SMG6: variants seen among roughly 807,000 people sequenced by gnomAD.
SMG6 encodes telomerase-binding protein EST1A.
Under a neutral mutation model 142.2 loss-of-function variants are expected in SMG6, and 66 were observed. The observed-to-expected ratio is 0.46, with a 90% confidence interval of 0.38 to 0.57. The LOEUF (loss-of-function observed/expected upper bound fraction) is 0.57, where lower values mean the gene tolerates loss of function less well. SMG6 is among the 20% of genes least tolerant of loss of function. SMG6 has a pLI of 0.00. For synonymous variants in SMG6, 779 were observed against 702.4 expected (o/e 1.11, Z -1.72); for missense variants, 1,793 against 1,832.0 (o/e 0.98, Z 0.39).
chr17:2,297,010 G>GAAAAAAAAAAAAA (rs374673133), intron 4 of SMG6, among the ~76,000 whole-genome samples: 1 of 60,974 alleles, frequency 1.6e-5, no homozygotes, highest in African/African-American at 6.2e-5. Context: ...CTCAAAAAAT[G>GAAAAAAAAAAAAA]AAAAAAAAAA....
At chr17:2,277,172 A>T (rs202031066) in intron 8 of SMG6, among the ~76,000 whole-genome samples, 3,137 of 49,960 alleles carry the variant, frequency 0.063, 94 homozygotes, top group South Asian at 0.096. Context: ...TTTATTTTTT[A>T]TTTTTTTTTT....
intron 13 of SMG6, among the ~76,000 whole-genome samples, chr17:2,109,502 G>T (rs778864978): frequency 6.6e-6 from 1 of 152,114 alleles, no homozygotes. Context: ...GGCCTCAAGT[G>T]ATCCGCCTGC....
Position 2,149,087 on chromosome 17 carries a change from C to G in SMG6, c.3357+23571G>C, listed in dbSNP as rs116371747. Among the ~76,000 whole-genome samples the G allele has an allele frequency of 1.5e-3, 232 of 152,130 alleles. 1 individual carries two copies. Among genetic ancestry groups the G allele is most frequent in the Middle Eastern group, 3.4e-3 (1 of 294 alleles). ...TAAAATGGCTGGGCAAAGTGGGTCA[C>G]GCCTATAATCCCAGCACTTTGGGAG... On this transcript the variant is annotated intron_variant, in intron 13 of 18. Transcript: ENST00000263073.
chr17:2,255,794 T>C (rs1168711447), intron 8 of SMG6: 3 of 220,492 alleles, frequency 1.4e-5, no homozygotes, highest in East Asian at 1.6e-4. Flanking sequence ...TGTGTCTGTG[T>C]GGAAGGAAGT....
intron 14 of SMG6, among the ~76,000 whole-genome samples, chr17:2,082,995 T>C (rs953759674): frequency 2.6e-5 from 4 of 152,168 alleles, no homozygotes; most frequent in African/African-American, 4.8e-5. Context: ...ACCATCCCTA[T>C]CTTATAAATG....
intron 4 of SMG6, among the ~76,000 whole-genome samples, chr17:2,295,865 AG>A (rs1336690308): frequency 2.6e-5 from 4 of 152,212 alleles, no homozygotes; most frequent in Non-Finnish European, 4.4e-5. Context: ...CTGGACTACC[AG>A]CTGGGAGATG....
intron 10 of SMG6, chr17:2,213,549 G>C (rs1365796826): frequency 6.6e-6 from 1 of 152,128 alleles, no homozygotes; most frequent in East Asian, 1.9e-4. Context: ...ACATGTTGAG[G>C]GATGAGGGAA....
At chr17:2,283,565 C>T (rs2074838237) in intron 7 of SMG6, 60 bp downstream of exon 7, 1 of 1,382,774 alleles carries the variant, frequency 7.2e-7, no homozygotes, top group South Asian at 1.2e-5. Flanking sequence ...CTAGGGCACA[C>T]CAACACTCAG....
At chr17:2,281,353 T>C (rs2074781290) in intron 8 of SMG6, among the ~76,000 whole-genome samples, 1 of 152,104 alleles carries the variant, frequency 6.6e-6, no homozygotes, top group Non-Finnish European at 1.5e-5. Context: ...GGTACTGAAT[T>C]CCTAGGCTCC....
chr17:2,222,519 G>C (rs548328165), intron 10 of SMG6, among the ~76,000 whole-genome samples: 1 of 132,008 alleles, frequency 7.6e-6, no homozygotes, highest in African/African-American at 2.8e-5. Context: ...GAACAGTCGT[G>C]AATGAGCTCA....
At chr17:2,236,699 TCTCACACACACACACACACA>T in intron 9 of SMG6, 62 bp from the exon 10 acceptor site, 3 of 1,460,834 alleles carry the variant, frequency 2.1e-6, no homozygotes, top group Non-Finnish European at 2.7e-6. Context: ...TCTCACTCTG[TCTCACACACACACACACACA>T]CACACACACA....
chr17:2,173,207 G>A (rs186729857), intron 12 of SMG6: 284 of 293,152 alleles, frequency 9.7e-4, no homozygotes, highest in Non-Finnish European at 1.6e-3. Flanking sequence ...CCCAGTGCTT[G>A]TGGCTGCTCC....
At chr17:2,273,504 G>A (rs1432664720) in intron 8 of SMG6, among the ~76,000 whole-genome samples, 1 of 152,180 alleles carries the variant, frequency 6.6e-6, no homozygotes, top group Non-Finnish European at 1.5e-5. Flanking sequence ...ATGGTGGCGG[G>A]TGCCTGTAGT....
At chr17:2,136,266 G>C (rs563705493) in intron 13 of SMG6, among the ~76,000 whole-genome samples, 1 of 151,428 alleles carries the variant, frequency 6.6e-6, no homozygotes. Context: ...TCACCATGTT[G>C]GCTAGGCTGG....
intron 13 of SMG6, among the ~76,000 whole-genome samples, chr17:2,167,787 C>T (rs1448209921): frequency 1.3e-5 from 2 of 152,222 alleles, no homozygotes; most frequent in Admixed American, 6.5e-5. Context: ...CACGTTGCTG[C>T]CACTGATGAG....
Position 2,300,113 on chromosome 17 carries a change from C to G in SMG6, c.640G>C (p.Gly214Arg). ...TTTCCCATCCTCTTTCCTTTTTCTCCTTTTGCAGCCCCTACTCTCCCACCA... is the reference window on the plus strand; with the variant it reads ...TTTCCCATCCTCTTTCCTTTTTCTCGTTTTGCAGCCCCTACTCTCCCACCA... The part of the protein sequence containing the change: ...PGGGRVGAAK[G>R]EKGKRMGKGE... Residue 214 changes from glycine (G) to arginine (R), a missense_variant, in exon 2 of 19, where the codon GGA becomes CGA. Around this residue, in one of 3 missense-constraint regions of SMG6, gnomAD observed 1,597 missense variants for 1,584.6 expected, o/e 1.01. Transcript: ENST00000263073. The G allele has an allele frequency of 6.2e-7, 1 of 1,614,146 alleles. No homozygotes were observed. Among genetic ancestry groups the G allele is most frequent in the Non-Finnish European group, 8.5e-7 (1 of 1,180,014 alleles).
intron 13 of SMG6, among the ~76,000 whole-genome samples, chr17:2,142,241 G>A (rs564216057): frequency 9.9e-5 from 15 of 152,262 alleles, no homozygotes; most frequent in South Asian, 2.1e-4. Context: ...ATTGGACTTC[G>A]TAAAAATTAA....
At chr17:2,134,036 A>G (rs760723221) in intron 13 of SMG6, among the ~76,000 whole-genome samples, 24 of 152,094 alleles carry the variant, frequency 1.6e-4, no homozygotes, top group Admixed American at 7.2e-4. Context: ...AGAGGATAAA[A>G]CTGTATGTTT....
At chr17:2,129,793 CAAAAAAAAAAAAA>C (rs57556112) in intron 13 of SMG6, among the ~76,000 whole-genome samples, 1 of 56,320 alleles carries the variant, frequency 1.8e-5, no homozygotes, top group African/African-American at 6.2e-5. Flanking sequence ...GGCTCTGTCT[CAAAAAAAAAAAAA>C]AAAAAAAAAA....
Sources: allele counts gnomAD v4.1 joint callset (sites outside exome capture counted in the v4.1 genomes callset), GRCh38; gene constraint gnomAD v4.1.1; regional missense constraint gnomAD v4.1.1; transcripts MANE v1.5; gene names NCBI Gene and HGNC (gene_info 2026-07-23, HGNC 2026-07-21).